The following SUMF1 variants were observed in gnomAD, a reference collection of about 807,000 sequenced individuals.
SUMF1 encodes formylglycine-generating enzyme.
Under a neutral mutation model 47.6 loss-of-function variants are expected in SUMF1, and 48 were observed. The observed-to-expected ratio is 1.01, with a 90% CI of 0.80 to 1.28. SUMF1 has a LOEUF of 1.28. SUMF1 is among the 50% of genes most tolerant of loss of function. The pLI, the probability that SUMF1 is intolerant of heterozygous loss-of-function variation, is 0.00. For synonymous variants in SUMF1, 230 were observed against 192.1 expected (o/e 1.20, Z -1.63); for missense variants, 571 against 485.4 (o/e 1.18, Z -1.66).
chr3:4,415,832 A>G (rs1214254132), intron 6 of SUMF1, among the ~76,000 whole-genome samples: 1 of 152,098 alleles, frequency 6.6e-6, no homozygotes, highest in Non-Finnish European at 1.5e-5. Context: ...TAAATAAATA[A>G]GTAAATAAAA....
intron 8 of SUMF1, among the ~76,000 whole-genome samples, chr3:4,294,055 A>T (rs1697792169): frequency 6.6e-6 from 1 of 152,250 alleles, no homozygotes; most frequent in African/African-American, 2.4e-5. Flanking sequence ...AAAATACCTA[A>T]TCTATTGGAA....
chr3:4,313,651 C>A (rs1204612138), intron 8 of SUMF1: 1 of 1,614,058 alleles, frequency 6.2e-7, no homozygotes, highest in Non-Finnish European at 8.5e-7. Context: ...TGACAGTTCT[C>A]TGTACTGCCC....
At chr3:4,254,021 A>C (rs1283901070) in intron 8 of SUMF1, among the ~76,000 whole-genome samples, 6 of 151,134 alleles carry the variant, frequency 4.0e-5, no homozygotes, top group East Asian at 1.9e-4. Flanking sequence ...CACACACAGC[A>C]GGGTATTCCA....
chr3:4,442,492 C>T (rs1702635361), intron 3 of SUMF1, among the ~76,000 whole-genome samples: 1 of 151,644 alleles, frequency 6.6e-6, no homozygotes, highest in South Asian at 2.1e-4. Flanking sequence ...ATCTCCTGAC[C>T]TCGTGATCCG....
chr3:4,196,780 G>C (rs1695438911), intron 8 of SUMF1, among the ~76,000 whole-genome samples: 1 of 152,122 alleles, frequency 6.6e-6, no homozygotes, highest in Non-Finnish European at 1.5e-5. Flanking sequence ...CCCTTGCAAA[G>C]TGCTGTTTCA....
chr3:4,379,979 A>G (rs779913939), intron 7 of SUMF1, among the ~76,000 whole-genome samples: 2 of 152,208 alleles, frequency 1.3e-5, no homozygotes, highest in Non-Finnish European at 2.9e-5. Flanking sequence ...ATCAAAATTA[A>G]CAGTGTCTCT....
chr3:4,299,663 A>G (rs1278230891), intron 8 of SUMF1, among the ~76,000 whole-genome samples: 1 of 152,168 alleles, frequency 6.6e-6, no homozygotes, highest in East Asian at 1.9e-4. Flanking sequence ...ACAAAAAAGT[A>G]GCTGGGTGTG....
intron 8 of SUMF1, among the ~76,000 whole-genome samples, chr3:4,270,514 A>G (rs1354709913): frequency 1.3e-5 from 2 of 152,110 alleles, no homozygotes; most frequent in African/African-American, 4.8e-5. Flanking sequence ...TAAGCAATGA[A>G]TTTATAATTA....
intron 8 of SUMF1, among the ~76,000 whole-genome samples, chr3:4,207,913 T>G (rs1479453195): frequency 6.6e-6 from 1 of 152,068 alleles, no homozygotes; most frequent in African/African-American, 2.4e-5. Flanking sequence ...TGAACACGTC[T>G]GAGAGTTAAA....
chr3:4,391,876 G>A (rs1372576112), intron 7 of SUMF1, among the ~76,000 whole-genome samples: 2 of 150,244 alleles, frequency 1.3e-5, no homozygotes, highest in Non-Finnish European at 3.0e-5. Flanking sequence ...CACACAGGCT[G>A]GAGTGCATTG....
rs953824039 is a variant in SUMF1, at chr3:4,108,852, C to T, written c.1015-40107G>A. ...TGAGATGGGTTTCCTGAATACAGCA[C>T]ACTGATGGGTCTTGACTCTTTATCC... On this transcript the variant is annotated intron_variant and NMD_transcript_variant, in intron 8 of 12. Transcript: ENST00000448413. 8.4e-4 allele frequency among the ~76,000 whole-genome samples: 128 copies of T among 152,104 alleles called. 1 individual carries two copies. Among genetic ancestry groups the T allele is most frequent in the Admixed American group, 2.2e-3 (34 of 15,274 alleles).
chr3:4,038,584 TGGGGCTCCACTTGCTG>T (rs1468402651), intron 9 of SUMF1, among the ~76,000 whole-genome samples: 1 of 152,014 alleles, frequency 6.6e-6, no homozygotes, highest in African/African-American at 2.4e-5. Context: ...GGTGTGAGCT[TGGGGCTCCACTTGCTG>T]GGGAGCAAAG....
At chr3:4,285,485 A>G (rs1347569062) in intron 8 of SUMF1, among the ~76,000 whole-genome samples, 5 of 152,206 alleles carry the variant, frequency 3.3e-5, no homozygotes, top group Non-Finnish European at 5.9e-5. Flanking sequence ...TTATAAGGAA[A>G]AAATGTATAT....
intron 8 of SUMF1, among the ~76,000 whole-genome samples, chr3:4,274,681 T>G (rs1234881986): frequency 6.6e-6 from 1 of 152,136 alleles, no homozygotes; most frequent in Non-Finnish European, 1.5e-5. Flanking sequence ...CTGTAAAACA[T>G]CCTGGGAAGA....
chr3:4,099,447 G>C (rs1489388945), intron 8 of SUMF1, among the ~76,000 whole-genome samples: 2 of 152,050 alleles, frequency 1.3e-5, no homozygotes, highest in African/African-American at 4.8e-5. Context: ...ATTAGATATA[G>C]AAGAAATGTT....
chr3:4,130,205 A>G (rs550029206), intron 8 of SUMF1, among the ~76,000 whole-genome samples: 3 of 152,190 alleles, frequency 2.0e-5, no homozygotes, highest in African/African-American at 7.2e-5. Flanking sequence ...AGCTTAACCA[A>G]CTGGCGACTC....
intron 3 of SUMF1, among the ~76,000 whole-genome samples, chr3:4,423,279 T>TACATACACACAC (rs57526958): frequency 3.5e-4 from 51 of 147,222 alleles, no homozygotes; most frequent in African/African-American, 1.3e-3. Flanking sequence ...GAAACTGTGA[T>TACATACACACAC]ACACACACAC....
chr3:4,234,462 A>G (rs1208037900), intron 8 of SUMF1, among the ~76,000 whole-genome samples: 1 of 152,054 alleles, frequency 6.6e-6, no homozygotes, highest in African/African-American at 2.4e-5. Context: ...CTCCCTATGT[A>G]GATGCTGGAT....
chr3:4,427,011 C>A (rs576512558), intron 3 of SUMF1, among the ~76,000 whole-genome samples: 2 of 152,296 alleles, frequency 1.3e-5, no homozygotes, highest in Admixed American at 1.3e-4. Context: ...TTTCCCACCT[C>A]TCCCTGGGGA....
Sources: allele counts gnomAD v4.1 joint callset (sites outside exome capture counted in the v4.1 genomes callset), GRCh38; gene constraint gnomAD v4.1.1; transcripts MANE v1.5; gene names NCBI Gene and HGNC (gene_info 2026-07-23, HGNC 2026-07-21).